Variants in CNTN4 observed in about 807,000 individuals in gnomAD.
CNTN4 encodes the protein contactin-4.
CNTN4 carries 77 observed loss-of-function variants against 122.5 expected under a neutral mutation model. That is an observed-to-expected ratio of 0.63 (90% CI 0.52 to 0.76). The LOEUF is 0.76. Ranked by LOEUF, CNTN4 falls within the 30% of genes least tolerant of loss-of-function variation. CNTN4 has a pLI of 0.00. For synonymous variants in CNTN4, 512 were observed against 447.0 expected (o/e 1.15, Z -1.83); for missense variants, 1,256 against 1,259.1 (o/e 1.00, Z 0.04).
intron 4 of CNTN4, among the ~76,000 whole-genome samples, chr3:2,576,001 A>AT (rs1163808551): frequency 7.3e-5 from 11 of 151,218 alleles, no homozygotes; most frequent in East Asian, 2.0e-4. Context: ...TGCCTGGCTA[A>AT]TTTTTTTGTA....
At chr3:2,829,915 A>G (rs1200084274) in intron 7 of CNTN4, among the ~76,000 whole-genome samples, 1 of 152,158 alleles carries the variant, frequency 6.6e-6, no homozygotes, top group East Asian at 1.9e-4. Context: ...AGTTCTAGTA[A>G]GAGAGATGCT....
At chr3:2,307,340 C>T (rs2042747638) in intron 2 of CNTN4, among the ~76,000 whole-genome samples, 1 of 151,272 alleles carries the variant, frequency 6.6e-6, no homozygotes, top group Non-Finnish European at 1.5e-5. Flanking sequence ...GAGGCTGGGG[C>T]AGGAGAATGG....
chr3:2,640,689 A>G (rs2082862626), intron 4 of CNTN4, among the ~76,000 whole-genome samples: 1 of 152,170 alleles, frequency 6.6e-6, no homozygotes, highest in Non-Finnish European at 1.5e-5. Flanking sequence ...CACTGTGCAC[A>G]TACACACACA....
At chr3:3,010,651 G>A (rs972521852) in intron 14 of CNTN4, among the ~76,000 whole-genome samples, 2 of 152,088 alleles carry the variant, frequency 1.3e-5, no homozygotes, top group Non-Finnish European at 2.9e-5. Flanking sequence ...AATCATCCAA[G>A]TTTATAAATT....
At chr3:3,037,413 C>A in intron 18 of CNTN4, 85 bp downstream of exon 18, 6 of 1,556,228 alleles carry the variant, frequency 3.9e-6, no homozygotes, top group South Asian at 1.1e-5. Context: ...TGCTCTTCAG[C>A]GCTCATGCGG....
chr3:2,193,547 G>T (rs1185664377), intron 2 of CNTN4, among the ~76,000 whole-genome samples: 1 of 152,166 alleles, frequency 6.6e-6, no homozygotes, highest in African/African-American at 2.4e-5. Context: ...ATCTTGAAGT[G>T]GAAGATGTAC....
At chr3:2,553,666 T>C (rs917000021) in intron 3 of CNTN4, among the ~76,000 whole-genome samples, 2 of 152,158 alleles carry the variant, frequency 1.3e-5, no homozygotes, top group Admixed American at 6.6e-5. Context: ...AGATGGAAGC[T>C]GAAAAGGATG....
chr3:2,358,125 T>G (rs1308229489), intron 3 of CNTN4, among the ~76,000 whole-genome samples: 1 of 152,188 alleles, frequency 6.6e-6, no homozygotes, highest in African/African-American at 2.4e-5. Context: ...TTCTAACAAT[T>G]TCTTCTAGCC....
At chr3:2,125,941 G>A (rs901964462) in intron 2 of CNTN4, among the ~76,000 whole-genome samples, 25 of 151,294 alleles carry the variant, frequency 1.7e-4, no homozygotes, top group Middle Eastern at 3.4e-3. Flanking sequence ...GTGTGTATGT[G>A]TGTGTGTTTT....
intron 3 of CNTN4, among the ~76,000 whole-genome samples, chr3:2,440,935 A>G (rs1280457229): frequency 6.7e-6 from 1 of 148,900 alleles, no homozygotes; most frequent in Non-Finnish European, 1.5e-5. Flanking sequence ...AAAAGATTAT[A>G]TATGTGTTTA....
At chr3:2,990,573 C>T (rs2125304161) in intron 14 of CNTN4, among the ~76,000 whole-genome samples, 1 of 152,276 alleles carries the variant, frequency 6.6e-6, no homozygotes, top group South Asian at 2.1e-4. Flanking sequence ...GGAGAGGCCT[C>T]TATTTCCCAT....
chr3:2,574,980 C>G (rs1048405463), intron 4 of CNTN4, among the ~76,000 whole-genome samples: 1 of 152,050 alleles, frequency 6.6e-6, no homozygotes, highest in Non-Finnish European at 1.5e-5. Context: ...GATGCAGTTC[C>G]TAGTCCACCA....
At chr3:2,683,965 C>G (rs576703630) in intron 4 of CNTN4, among the ~76,000 whole-genome samples, 1 of 152,196 alleles carries the variant, frequency 6.6e-6, no homozygotes, top group Admixed American at 6.5e-5. Context: ...GAGTCTTAAG[C>G]CTACAAATTT....
chr3:2,738,056 A>G (rs879855047), intron 5 of CNTN4, among the ~76,000 whole-genome samples: 6 of 152,238 alleles, frequency 3.9e-5, no homozygotes, highest in African/African-American at 1.4e-4. Context: ...ATTCCAGAAG[A>G]AGCATCAAGA....
chr3:2,554,242 G>C (rs1038227495), intron 3 of CNTN4, among the ~76,000 whole-genome samples: 17 of 152,022 alleles, frequency 1.1e-4, no homozygotes, highest in African/African-American at 3.9e-4. Flanking sequence ...GGTATTTTAA[G>C]GTATTAGTTT....
intron 3 of CNTN4, among the ~76,000 whole-genome samples, chr3:2,384,511 A>G (rs1242577889): frequency 3.9e-5 from 6 of 152,244 alleles, no homozygotes; most frequent in Non-Finnish European, 7.3e-5. Context: ...TATTATGCTT[A>G]TTTTAATGGT....
intron 4 of CNTN4, among the ~76,000 whole-genome samples, chr3:2,659,744 T>C (rs2083783831): frequency 6.6e-6 from 1 of 152,236 alleles, no homozygotes; most frequent in Non-Finnish European, 1.5e-5. Context: ...CAATTTGTCA[T>C]AATATCTGGT....
intron 6 of CNTN4, among the ~76,000 whole-genome samples, chr3:2,802,460 C>T (rs2092370968): frequency 6.6e-6 from 1 of 152,130 alleles, no homozygotes; most frequent in Admixed American, 6.5e-5. Context: ...GGGAATAGCA[C>T]CGAGGTGCTG....
chr3:2,706,972 G>A (rs2149306107), intron 4 of CNTN4, among the ~76,000 whole-genome samples: 1 of 151,782 alleles, frequency 6.6e-6, no homozygotes, highest in Middle Eastern at 3.4e-3. Flanking sequence ...ACTAGATTAT[G>A]TGTATGTGTG....
Sources: allele counts gnomAD v4.1 joint callset (sites outside exome capture counted in the v4.1 genomes callset), GRCh38; gene constraint gnomAD v4.1.1; transcripts MANE v1.5; gene names NCBI Gene and HGNC (gene_info 2026-07-23, HGNC 2026-07-21).